The following LSM1 variants were observed in gnomAD, a reference collection of about 807,000 sequenced individuals.
LSM1 encodes LSM1 homolog, mRNA degradation associated.
A neutral mutation model predicts 18.0 loss-of-function variants in LSM1; 13 were observed. That is an observed-to-expected ratio of 0.72 (90% CI 0.47 to 1.15). LSM1 has a LOEUF of 1.15. Ranked by LOEUF, LSM1 falls within the 50% of genes most tolerant of loss-of-function variation. LSM1 has a pLI of 0.00. For synonymous variants in LSM1, 46 were observed against 56.0 expected, an observed-to-expected ratio of 0.82 and a Z score of 0.80; for missense variants, 152 against 157.7, an observed-to-expected ratio of 0.96 and a Z score of 0.19.
chr8:38,167,317 G>A (rs1391319249), intron 3 of LSM1, among the ~76,000 whole-genome samples: 1 of 152,178 alleles, frequency 6.6e-6, no homozygotes, highest in African/African-American at 2.4e-5. Flanking sequence ...TGTCTGCTAT[G>A]TTTACTACTA....
chr8:38,175,968 C>T (rs1023675033), intron 1 of LSM1: 4 of 317,028 alleles, frequency 1.3e-5, no homozygotes, highest in African/African-American at 2.2e-5. Flanking sequence ...CCCCCCCCTC[C>T]CCGGGCTTCT....
chr8:38,163,916 C>T, intron 3 of LSM1, 76 bp from the exon 4 acceptor site: 3 of 1,235,400 alleles, frequency 2.4e-6, no homozygotes, highest in Non-Finnish European at 3.6e-6. Flanking sequence ...CAAATGGATT[C>T]CTCTATCAGG....
rs182953569 is a variant in LSM1, at chr8:38,168,766, C to A, written c.231+1036G>T. 2.7e-5 allele frequency among the ~76,000 whole-genome samples: 4 copies of A among 150,764 alleles called. No homozygotes were observed. The East Asian group carries it at 7.7e-4, about 29-fold the overall frequency. ...AAAAGCTATTTCATATATTTCACAG[C>A]ATATATTTCATATATTCATATATTT... On this transcript the variant is annotated intron_variant, in intron 3 of 3. Transcript: ENST00000311351.
chr8:38,167,001 T>C (rs937658181), intron 3 of LSM1, among the ~76,000 whole-genome samples: 4 of 152,194 alleles, frequency 2.6e-5, no homozygotes, highest in Admixed American at 6.5e-5. Context: ...TTAACCAATA[T>C]AGTGTTTACA....
At chr8:38,176,637 T>C (rs915596824), upstream of LSM1, 1 of 572,214 alleles carries the variant, frequency 1.7e-6, no homozygotes, top group Non-Finnish European at 3.0e-6. Context: ...GTATACTCCC[T>C]CTTAAGGAAC....
intron 3 of LSM1, among the ~76,000 whole-genome samples, chr8:38,166,402 C>T (rs1488717772): frequency 6.6e-6 from 1 of 152,196 alleles, no homozygotes; most frequent in Admixed American, 6.5e-5. Context: ...CTGTGCCTGG[C>T]CCTTATAAAC....
chr8:38,170,729 C>T (rs368590917), intron 2 of LSM1, among the ~76,000 whole-genome samples: 1 of 152,210 alleles, frequency 6.6e-6, no homozygotes, highest in Admixed American at 6.5e-5. Context: ...TATTTTTTCA[C>T]CTTGACAGAT....
intron 3 of LSM1, 109 bp from the exon 4 acceptor site, chr8:38,163,949 T>C: frequency 2.1e-6 from 2 of 934,592 alleles, no homozygotes; most frequent in Non-Finnish European, 3.3e-6. Context: ...TTCATAACTG[T>C]GACAGGAACT....
At chr8:38,176,105 C>T in intron 1 of LSM1, 170 bp downstream of exon 1, 1 of 537,322 alleles carries the variant, frequency 1.9e-6, no homozygotes, top group African/African-American at 1.9e-5. Flanking sequence ...ACTGGGTGGG[C>T]AAGCGGTGTG....
rs996014828 is a variant in LSM1 at position 38,170,303 on chromosome 8, C to T, written c.116-386G>A. Among the ~76,000 whole-genome samples the T allele has an allele frequency of 4.9e-4, 74 of 152,266 alleles. 1 individual carries two copies. The highest frequency in any genetic ancestry group is 1.7e-3 in the African/African-American group (70 of 41,552). On this transcript the variant is annotated intron_variant, in intron 2 of 3. Coordinates refer to ENST00000311351, the MANE Select transcript of LSM1 (RefSeq NM_014462.3). ...CCGCCCACCTCGGCCTTCCAAAGTG[C>T]TGGGATTACAGGCGTGAGCCACAGT...
At chr8:38,168,591 CA>C (rs34880510) in intron 3 of LSM1, among the ~76,000 whole-genome samples, 297 of 100,430 alleles carry the variant, frequency 3.0e-3, no homozygotes, top group African/African-American at 5.4e-3. Context: ...AACTCTGTCC[CA>C]AAAAAAAAAA....
intron 3 of LSM1, among the ~76,000 whole-genome samples, chr8:38,165,415 C>A (rs962414590): frequency 6.6e-6 from 1 of 151,618 alleles, no homozygotes; most frequent in Non-Finnish European, 1.5e-5. Flanking sequence ...ACACACTCAT[C>A]GTAGATAATA....
chr8:38,165,354 A>C (rs1010093302), intron 3 of LSM1, among the ~76,000 whole-genome samples: 4 of 150,532 alleles, frequency 2.7e-5, no homozygotes, highest in Admixed American at 6.7e-5. Context: ...ACTCCATCTC[A>C]AAAAAAAACA....
chr8:38,169,165 A>T (rs1802984735), intron 3 of LSM1, among the ~76,000 whole-genome samples: 1 of 152,118 alleles, frequency 6.6e-6, no homozygotes, highest in Admixed American at 6.5e-5. Context: ...TTTAAATAAG[A>T]TACTTTAAAA....
chr8:38,163,809 T>C lies in LSM1; in HGVS notation c.263A>G (p.Gln88Arg). The change falls in exon 4 of 4, where the codon CAG (glutamine) becomes CGG (arginine). Residue 88 changes from glutamine to arginine, a missense_variant. Coordinates refer to ENST00000311351, the MANE Select transcript of LSM1 (RefSeq NM_014462.3). ...TAGAATTTCTTCAATGGATACTTGC[T>C]GGAGGGGTGTGTCACTCTCCTTTTC... ...DLEKESDTPL[Q>R]QVSIEEILEE... 4.3e-6 allele frequency: 7 copies of C among 1,614,200 alleles called. No homozygotes were observed. The highest frequency in any genetic ancestry group is 5.9e-6 in the Non-Finnish European group (7 of 1,180,028).
At chr8:38,176,683 C>T (rs1803155368), upstream of LSM1, 1 of 706,906 alleles carries the variant, frequency 1.4e-6, no homozygotes, top group Non-Finnish European at 2.2e-6. Context: ...TCCCGAGACC[C>T]CAGAGTCACT....
At position 38,176,280 on chromosome 8, in the gene LSM1, A is replaced by G. The variant is rs148018686; in HGVS notation, c.41T>C (p.Ile14Thr). The change falls in exon 1 of 4, where the codon ATT becomes ACT. Residue 14 changes from isoleucine (I) to threonine (T), a missense_variant. Physicochemically the swap from Ile to Thr is moderately conservative, Grantham distance 89 (BLOSUM62 -1). Transcript: ENST00000311351. The stretch of plus-strand genomic sequence containing the variant: ...GGAGGAGATAAACTACTCACTGTCA[A>G]TGTCCTCGATGAGGCTGGCGGTGCC... ...MPGTASLIED[I>T]DKKHLVLLRD... The G allele has an allele frequency of 4.8e-5, 77 of 1,613,624 alleles. No homozygotes were observed. Among genetic ancestry groups the G allele is most frequent in the Non-Finnish European group, 6.3e-5 (74 of 1,179,750 alleles).
At chr8:38,167,117 G>A (rs903480150) in intron 3 of LSM1, among the ~76,000 whole-genome samples, 2 of 152,082 alleles carry the variant, frequency 1.3e-5, no homozygotes, top group African/African-American at 4.8e-5. Context: ...TTTCTGTAGT[G>A]GTACCCCTGT....
chr8:38,176,075 G>C, intron 1 of LSM1, 200 bp downstream of exon 1: 1 of 493,670 alleles, frequency 2.0e-6, no homozygotes, highest in Non-Finnish European at 3.6e-6. Context: ...GGCTGCGAGG[G>C]GCAGAAGTAG....
Sources: gnomAD v4.1 joint callset for allele counts (sites outside exome capture counted in the v4.1 genomes callset) on GRCh38, gnomAD v4.1.1 for gene constraint, MANE v1.5 for transcripts, NCBI Gene and HGNC (gene_info 2026-07-23, HGNC 2026-07-21) for gene names.